The following CLIC5 variants were observed in gnomAD, a reference collection of about 807,000 sequenced individuals.
CLIC5 encodes chloride intracellular channel protein 5.
CLIC5 carries 20 observed loss-of-function variants against 24.7 expected under a neutral mutation model. That is an observed-to-expected ratio of 0.81 (90% confidence interval 0.57 to 1.18). CLIC5 has a LOEUF of 1.18. CLIC5 is among the 50% of genes most tolerant of loss of function. CLIC5 has a pLI of 0.00. For synonymous variants in CLIC5, 159 were observed against 135.6 expected, an observed-to-expected ratio of 1.17 and a Z score of -1.20; for missense variants, 341 against 326.1, an observed-to-expected ratio of 1.05 and a Z score of -0.35.
rs138051618 is a variant in CLIC5 at position 45,991,685 on chromosome 6, G to A, written c.63+23795C>T. On this transcript the variant is annotated intron_variant, in intron 1 of 5. Transcript: ENST00000339561. ...TTGGAGGAAGATGGGGTTTCCTCACGTCCCATCTACAGAACTGATGAATGT... is the reference window on the plus strand; with the variant it reads ...TTGGAGGAAGATGGGGTTTCCTCACATCCCATCTACAGAACTGATGAATGT... Among the ~76,000 whole-genome samples, 60 of 152,222 alleles carry A rather than the reference G, an allele frequency of 3.9e-4. 1 individual carries two copies. Among genetic ancestry groups the A allele is most frequent in the African/African-American group, 1.2e-3 (50 of 41,538 alleles).
intron 1 of CLIC5, among the ~76,000 whole-genome samples, chr6:45,956,153 G>A (rs1247264662): frequency 1.3e-5 from 2 of 152,164 alleles, no homozygotes; most frequent in Admixed American, 1.3e-4. Context: ...CTGCACTTCT[G>A]AGTGGGCTGC....
At chr6:45,984,969 G>A (rs1487816046) in intron 1 of CLIC5, among the ~76,000 whole-genome samples, 3 of 152,184 alleles carry the variant, frequency 2.0e-5, no homozygotes, top group Admixed American at 1.3e-4. Flanking sequence ...GGAAGACACA[G>A]AACATTTGGC....
At chr6:45,945,676 AC>A (rs1394793682) in intron 3 of CLIC5, among the ~76,000 whole-genome samples, 1 of 152,102 alleles carries the variant, frequency 6.6e-6, no homozygotes, top group Non-Finnish European at 1.5e-5. Flanking sequence ...ATGGATTTGA[AC>A]CCGAGTCACT....
At chr6:46,108,130 ATAT>A in the CLIC5 span, among the ~76,000 whole-genome samples, 2 of 151,416 alleles carry the variant, frequency 1.3e-5, no homozygotes, top group South Asian at 2.1e-4. Flanking sequence ...GTTTATGGAA[ATAT>A]TATTGTGTGT....
At chr6:46,016,999 T>A (rs959578693), upstream of CLIC5, among the ~76,000 whole-genome samples, 2 of 152,228 alleles carry the variant, frequency 1.3e-5, no homozygotes, top group Non-Finnish European at 2.9e-5. Context: ...GAACATTCTC[T>A]CTATCAAACA....
At chr6:45,888,822 T>C (rs1762326484) in intron 6 of CLIC5, among the ~76,000 whole-genome samples, 2 of 152,222 alleles carry the variant, frequency 1.3e-5, no homozygotes, top group Admixed American at 6.5e-5. Context: ...ATATATTTGC[T>C]AGCCAACACA....
chr6:46,075,747 T>A (rs944559647), intron 1 of CLIC5, among the ~76,000 whole-genome samples: 1 of 152,204 alleles, frequency 6.6e-6, no homozygotes, highest in African/African-American at 2.4e-5. Context: ...AATACTAGAA[T>A]GCTTTTTTCT....
the CLIC5 span, among the ~76,000 whole-genome samples, chr6:46,115,095 G>A: frequency 1.3e-5 from 2 of 152,174 alleles, no homozygotes; most frequent in African/African-American, 4.8e-5. Flanking sequence ...GGTGACCCTG[G>A]AGAGATTCTG....
chr6:45,988,335 G>T (rs914956803), intron 1 of CLIC5, among the ~76,000 whole-genome samples: 2 of 152,196 alleles, frequency 1.3e-5, no homozygotes, highest in South Asian at 2.1e-4. Flanking sequence ...GCCTGCTGGG[G>T]TGGCAGTTCT....
rs561031044 is a variant in CLIC5, at chr6:45,902,815, T to C, written c.*273A>G. 2.1e-6 allele frequency: 1 copy of C among 475,166 alleles called. No homozygotes were observed. Among genetic ancestry groups the C allele is most frequent in the Non-Finnish European group, 3.8e-6 (1 of 266,126 alleles). The allele number at this position is 475,166 out of a possible 1,614,324, so 29.4% of individuals were successfully genotyped here. On this transcript the variant is annotated 3_prime_UTR_variant, in exon 6 of 6. Coordinates refer to ENST00000339561, the MANE Select transcript of CLIC5 (RefSeq NM_016929.5). ...ATCCCATATGTGGGCTCTCCAACACTGACTGACCCCAAACATGCTGAGCCC... is the reference window on the plus strand; with the variant it reads ...ATCCCATATGTGGGCTCTCCAACACCGACTGACCCCAAACATGCTGAGCCC...
chr6:46,052,533 C>T (rs974024058), intron 1 of CLIC5, among the ~76,000 whole-genome samples: 2 of 152,072 alleles, frequency 1.3e-5, no homozygotes, highest in East Asian at 3.9e-4. Flanking sequence ...CAGAATAAAC[C>T]CTAAGGTAGG....
chr6:46,004,423 T>A (rs930276588), intron 1 of CLIC5, among the ~76,000 whole-genome samples: 1 of 152,146 alleles, frequency 6.6e-6, no homozygotes, highest in African/African-American at 2.4e-5. Flanking sequence ...AAACCTACCA[T>A]GATGTCCTCC....
intron 1 of CLIC5, among the ~76,000 whole-genome samples, chr6:46,029,528 T>A (rs1302047640): frequency 6.6e-6 from 1 of 152,208 alleles, no homozygotes; most frequent in Non-Finnish European, 1.5e-5. Flanking sequence ...CTTTATGCCT[T>A]ATCCTATATG....
chr6:45,957,258 A>T (rs1764676042), intron 1 of CLIC5, among the ~76,000 whole-genome samples: 1 of 152,222 alleles, frequency 6.6e-6, no homozygotes, highest in African/African-American at 2.4e-5. Context: ...TAATGTTAAT[A>T]ATAACATATC....
intron 1 of CLIC5, among the ~76,000 whole-genome samples, chr6:46,044,938 G>C (rs1767914339): frequency 6.6e-6 from 1 of 152,128 alleles, no homozygotes; most frequent in East Asian, 1.9e-4. Context: ...TTCATCTCCT[G>C]TGTTTGAGGC....
chr6:46,086,161 A>T, the CLIC5 span, among the ~76,000 whole-genome samples: 1 of 152,144 alleles, frequency 6.6e-6, no homozygotes, highest in Non-Finnish European at 1.5e-5. Flanking sequence ...CCTTTCTTTG[A>T]CTAGGAAAGG....
At chr6:46,099,290 C>T in the CLIC5 span, among the ~76,000 whole-genome samples, 1 of 152,154 alleles carries the variant, frequency 6.6e-6, no homozygotes, top group Non-Finnish European at 1.5e-5. Context: ...AATTACCAGA[C>T]CGAGTTTTCA....
At chr6:45,986,906 A>AC (rs1463774635) in intron 1 of CLIC5, among the ~76,000 whole-genome samples, 11 of 152,170 alleles carry the variant, frequency 7.2e-5, no homozygotes, top group African/African-American at 2.7e-4. Flanking sequence ...GGGACAGAAG[A>AC]CCCTGGGGTC....
chr6:46,050,812 G>A (rs530839201), intron 1 of CLIC5, among the ~76,000 whole-genome samples: 2 of 151,684 alleles, frequency 1.3e-5, no homozygotes, highest in East Asian at 1.9e-4. Flanking sequence ...CTACCCTTGA[G>A]ATTTATGGCA....
Sources: gnomAD v4.1 joint callset for allele counts (sites outside exome capture counted in the v4.1 genomes callset) on GRCh38, gnomAD v4.1.1 for gene constraint, MANE v1.5 for transcripts, NCBI Gene and HGNC (gene_info 2026-07-23, HGNC 2026-07-21) for gene names.